The following SCN10A variants were observed in gnomAD, a reference collection of about 807,000 sequenced individuals.
The protein encoded by SCN10A is sodium channel protein type 10 subunit alpha.
Under a neutral mutation model 170.7 loss-of-function variants are expected in SCN10A, and 162 were observed. That is an observed-to-expected ratio of 0.95 (90% CI 0.84 to 1.08). The LOEUF (loss-of-function observed/expected upper bound fraction) is 1.08. Ranked by LOEUF, SCN10A falls within the 50% of genes least tolerant of loss-of-function variation. The pLI, the probability that SCN10A is intolerant of heterozygous loss-of-function variation, is 0.00. For synonymous variants in SCN10A, 985 were observed against 904.6 expected (o/e 1.09, Z -1.59); for missense variants, 2,527 against 2,436.9 (o/e 1.04, Z -0.78).
chr3:38,712,176 A>G lies in SCN10A; in HGVS notation c.4074T>C (p.Leu1358=), dbSNP rs1467258363. 6.2e-7 allele frequency: 1 copy of G among 1,614,076 alleles called. No homozygotes were observed. The highest frequency in any genetic ancestry group is 1.7e-5 in the Admixed American group (1 of 60,030). Residue 1358 remains leucine, a synonymous_variant, in exon 23 of 28, where the codon CTT becomes CTC. Transcript: ENST00000449082. ...GTTGACTCACCACCTGCAGAAGTGC[A>G]AGGTAACCCATTGCAACATTATCAA... is the stretch of plus-strand genomic sequence containing the variant. ...VNFDNVAMGY[L]ALLQVATFKG... is the part of the protein sequence containing the mutation.
rs776649512 is a variant in SCN10A, at chr3:38,710,132, A to G, written c.4144-517T>C. ...CACAGCAGGAAGTGGTCATTCCCCAATAGTGTCTCCCCAGCCTGGCTTTTT... is the reference window on the plus strand; with the variant it reads ...CACAGCAGGAAGTGGTCATTCCCCAGTAGTGTCTCCCCAGCCTGGCTTTTT... On this transcript the variant is annotated intron_variant, in intron 24 of 27. Coordinates refer to ENST00000449082, the MANE Select transcript of SCN10A (RefSeq NM_006514.4). 3.9e-4 allele frequency among the ~76,000 whole-genome samples: 60 copies of G among 152,216 alleles called. 1 individual carries two copies. The Middle Eastern group carries it at 0.02, about 52-fold the overall frequency.
intron 27 of SCN10A, 74 bp from the exon 28 acceptor site, chr3:38,698,636 C>G: frequency 7.0e-7 from 1 of 1,426,818 alleles, no homozygotes; most frequent in Non-Finnish European, 9.7e-7. Flanking sequence ...TGTGATGACA[C>G]TCTGCTTTGC....
Position 38,709,614 on chromosome 3 carries a change from A to C in SCN10A, c.4145T>G (p.Val1382Gly). The change falls in exon 25 of 28, where the codon GTC becomes GGC. Residue 1382 changes from valine (V) to glycine (G), a missense_variant and splice_region_variant. Val to Gly is a moderately radical substitution (Grantham distance 109). Transcript: ENST00000449082. ...IMYAAVDSREVNMQPKWEDNV... is the reference protein window; with the variant it reads ...IMYAAVDSREGNMQPKWEDNV... ...GTCCTCCCACTTGGGTTGCATGTTG[A>C]CCTGTGACCAGACAAGGGAGAGTGG... The C allele has an allele frequency of 6.3e-7, 1 of 1,596,212 alleles. No individual in the cohort carries two copies. The highest frequency in any genetic ancestry group is 8.5e-7 in the Non-Finnish European group (1 of 1,171,538).
chr3:38,751,416 G>C (rs2063745832), intron 12 of SCN10A, among the ~76,000 whole-genome samples: 1 of 152,220 alleles, frequency 6.6e-6, no homozygotes, highest in African/African-American at 2.4e-5. Flanking sequence ...TGGTCCATCT[G>C]TTTCTTGCTG....
chr3:38,763,625 C>A (rs1347298668), intron 5 of SCN10A, 29 bp from the exon 6 acceptor site: 1 of 1,564,102 alleles, frequency 6.4e-7, no homozygotes, highest in Admixed American at 1.7e-5. Context: ...GTCAGCATCT[C>A]TGCAAGCAAG....
At chr3:38,759,950 A>C (rs57122706) in intron 8 of SCN10A, among the ~76,000 whole-genome samples, 4 of 152,190 alleles carry the variant, frequency 2.6e-5, no homozygotes, top group South Asian at 2.1e-4. Context: ...TGTGAGGGTA[A>C]TGTGGCTATA....
chr3:38,727,024 A>T lies in SCN10A; in HGVS notation c.2669T>A (p.Leu890Ter), dbSNP rs763390654. The change falls in exon 17 of 28, where the codon TTG becomes TAG. Residue 890 changes from leucine to a stop codon, truncating the protein, a stop_gained. Coordinates refer to ENST00000449082, the MANE Select transcript of SCN10A (RefSeq NM_006514.4). LOFTEE classifies it high-confidence loss of function. ...VVLNLFIALL[L>*]NSFSADNLTA... ...GAGGTTGTCAGCACTGAAAGAGTTC[A>T]ATAGCAGGGCGATGAACAGGTTAAG... 4 of 1,612,808 alleles carry T rather than the reference A, an allele frequency of 2.5e-6. No homozygotes were observed. The highest frequency in any genetic ancestry group is 3.4e-6 in the Non-Finnish European group (4 of 1,178,868).
rs1046062789 is a variant in SCN10A at position 38,760,564 on chromosome 3, A to G, written c.950+117T>C. The G allele has an allele frequency of 8.6e-6, 7 of 818,330 alleles. No homozygotes were observed. The African/African-American group carries it at 1.0e-4, about 12-fold the overall frequency. The allele number at this position is 818,330 out of a possible 1,614,324, so 50.7% of individuals were successfully genotyped here. A position where few individuals can be genotyped will look rare whatever the true frequency, so the allele number is the denominator to read the frequency against. On this transcript the variant is annotated intron_variant, in intron 8 of 27. Coordinates refer to ENST00000449082, the MANE Select transcript of SCN10A (RefSeq NM_006514.4). ...TCTGGGTTGGCAAAGGCCATGATTT[A>G]TTTATTTATACATCTTTCCCAGGAC...
chr3:38,725,794 A>C (rs2063447937), intron 17 of SCN10A, among the ~76,000 whole-genome samples: 1 of 152,278 alleles, frequency 6.6e-6, no homozygotes, highest in East Asian at 1.9e-4. Flanking sequence ...AGTGGCAGAC[A>C]GCTGTCACAG....
At chr3:38,703,481 C>T (rs1412432440) in intron 26 of SCN10A, among the ~76,000 whole-genome samples, 2 of 152,214 alleles carry the variant, frequency 1.3e-5, no homozygotes, top group African/African-American at 4.8e-5. Context: ...ATTCACTCCT[C>T]AGCCCACATC....
intron 1 of SCN10A, among the ~76,000 whole-genome samples, chr3:38,802,735 A>T (rs2064380321): frequency 1.3e-5 from 2 of 152,220 alleles, no homozygotes; most frequent in Admixed American, 6.5e-5. Flanking sequence ...GGACATAGGC[A>T]TGGGCAAGGA....
intron 20 of SCN10A, among the ~76,000 whole-genome samples, chr3:38,721,342 C>G (rs1399835200): frequency 2.6e-5 from 4 of 152,080 alleles, no homozygotes; most frequent in Non-Finnish European, 5.9e-5. Context: ...CCTGAACTCT[C>G]TATTCCCAGC....
chr3:38,801,803 T>G (rs754769359), intron 1 of SCN10A, among the ~76,000 whole-genome samples: 2 of 152,206 alleles, frequency 1.3e-5, no homozygotes, highest in Non-Finnish European at 2.9e-5. Flanking sequence ...TTTACCTGTG[T>G]AGGATTGTAC....
At chr3:38,814,346 A>C (rs1264251615) in intron 1 of SCN10A, among the ~76,000 whole-genome samples, 2 of 152,148 alleles carry the variant, frequency 1.3e-5, no homozygotes, top group Non-Finnish European at 2.9e-5. Context: ...TCTGGGGACC[A>C]TAGGGCTGGT....
At chr3:38,781,114 CT>C (rs2126049516) in intron 4 of SCN10A, among the ~76,000 whole-genome samples, 1 of 152,164 alleles carries the variant, frequency 6.6e-6, no homozygotes, top group South Asian at 2.1e-4. Flanking sequence ...GTGTTGTCGT[CT>C]CTTATTCTAT....
chr3:38,705,981 A>G (rs1413126661), intron 26 of SCN10A, among the ~76,000 whole-genome samples: 1 of 152,124 alleles, frequency 6.6e-6, no homozygotes, highest in African/African-American at 2.4e-5. Flanking sequence ...ATACTCAATG[A>G]GCCTAAGGAC....
At chr3:38,753,938 C>T (rs947644718) in intron 11 of SCN10A, among the ~76,000 whole-genome samples, 2 of 152,150 alleles carry the variant, frequency 1.3e-5, no homozygotes, top group Non-Finnish European at 2.9e-5. Context: ...TCTATATATT[C>T]CTCTATTTAA....
At chr3:38,815,712 T>A (rs919661211) in intron 1 of SCN10A, among the ~76,000 whole-genome samples, 2 of 152,238 alleles carry the variant, frequency 1.3e-5, no homozygotes, top group Non-Finnish European at 1.5e-5. Flanking sequence ...CATCTGCTAA[T>A]AAAACATCTT....
intron 5 of SCN10A, among the ~76,000 whole-genome samples, chr3:38,768,605 T>C (rs1430888364): frequency 6.6e-6 from 1 of 152,198 alleles, no homozygotes; most frequent in Non-Finnish European, 1.5e-5. Context: ...AGTTGAGAAA[T>C]CTGCTGTTAA....
Sources: allele counts gnomAD v4.1 joint callset (sites outside exome capture counted in the v4.1 genomes callset), GRCh38; gene constraint gnomAD v4.1.1; transcripts MANE v1.5; gene names NCBI Gene and HGNC (gene_info 2026-07-23, HGNC 2026-07-21).